Variants in DPH6 observed in about 807,000 individuals in gnomAD.
DPH6 encodes the protein diphthine--ammonia ligase.
In DPH6, 33 loss-of-function variants were observed where a neutral mutation model predicts 38.2. The observed-to-expected ratio is 0.86, with a 90% CI of 0.65 to 1.15. DPH6 has a LOEUF of 1.15. Among genes scored for constraint, DPH6 ranks in the 50% most tolerant of loss-of-function variants. The pLI is 0.00. For synonymous variants in DPH6, 108 were observed against 103.0 expected (o/e 1.05, Z -0.30); for missense variants, 325 against 320.0 (o/e 1.02, Z -0.12).
intron 1 of DPH6, among the ~76,000 whole-genome samples, chr15:35,543,674 T>G (rs2141576300): frequency 6.6e-6 from 1 of 152,192 alleles, no homozygotes; most frequent in Admixed American, 6.5e-5. Context: ...TTTCTGCCTC[T>G]TCCACCCTCC....
chr15:35,240,465 A>C (rs1331807690), intron 3 of DPH6, among the ~76,000 whole-genome samples: 1 of 141,594 alleles, frequency 7.1e-6, no homozygotes, highest in Non-Finnish European at 1.5e-5. Flanking sequence ...TTGCCAGCCC[A>C]AGCTAGGTCC....
intron 5 of DPH6, 60 bp from the exon 6 acceptor site, chr15:35,410,956 T>G (rs1259899131): frequency 7.4e-6 from 11 of 1,477,440 alleles, no homozygotes; most frequent in Non-Finnish European, 1.0e-5. Flanking sequence ...TAAAGACACA[T>G]TCCCCTTCCC....
intron 3 of DPH6, chr15:35,489,592 C>T: frequency 3.1e-6 from 3 of 982,554 alleles, no homozygotes; most frequent in Non-Finnish European, 3.6e-6. Flanking sequence ...ATAAAAAATA[C>T]CTACCCAAGA....
chr15:35,453,788 TAAATA>T, intron 4 of DPH6, among the ~76,000 whole-genome samples: 1 of 74,022 alleles, frequency 1.4e-5, no homozygotes. Context: ...AGAGAGAAAA[TAAATA>T]AAATAAAAAT....
chr15:35,366,994 T>C (rs561153229), downstream of DPH6, among the ~76,000 whole-genome samples: 144 of 151,996 alleles, frequency 9.5e-4, 1 homozygote, highest in Middle Eastern at 0.01. Flanking sequence ...CTAAACATTA[T>C]AAAGTTTTTC....
intron 7 of DPH6, among the ~76,000 whole-genome samples, chr15:35,378,289 G>A (rs143500214): frequency 0.011 from 1,599 of 152,194 alleles, 26 homozygotes; most frequent in African/African-American, 0.037. Flanking sequence ...ACCATCTCAC[G>A]CCAGTTAGAC....
rs549476192 is a variant in DPH6, at chr15:35,487,287, C to A, written c.313-32467G>T. On this transcript the variant is annotated intron_variant, in intron 3 of 8. Coordinates refer to ENST00000256538, the MANE Select transcript of DPH6 (RefSeq NM_080650.4). ...TGGGAACTCTGGGTGGGGGTTTCAA[C>A]CCCACATTTCCCCTCTGCATTGCCC... Among the ~76,000 whole-genome samples the A allele has an allele frequency of 3.3e-5, 5 of 152,350 alleles. No homozygotes were observed. In the East Asian group the frequency reaches 9.7e-4, roughly 29 times the overall value.
At chr15:35,378,440 C>T (rs1400604526) in intron 7 of DPH6, among the ~76,000 whole-genome samples, 4 of 152,126 alleles carry the variant, frequency 2.6e-5, no homozygotes, top group Non-Finnish European at 5.9e-5. Flanking sequence ...GGATCTAGAC[C>T]TAGAAATACC....
intron 3 of DPH6, among the ~76,000 whole-genome samples, chr15:35,285,025 G>T (rs1359436595): frequency 6.6e-6 from 1 of 151,720 alleles, no homozygotes; most frequent in African/African-American, 2.4e-5. Flanking sequence ...ACGCAGGGTG[G>T]TCTCCAACTT....
At chr15:35,411,978 C>T (rs951923272) in intron 5 of DPH6, among the ~76,000 whole-genome samples, 11 of 151,544 alleles carry the variant, frequency 7.3e-5, no homozygotes, top group African/African-American at 2.2e-4. Context: ...ACCAAAAGCA[C>T]GATCCATTAA....
At chr15:35,475,777 A>T (rs906538722) in intron 3 of DPH6, among the ~76,000 whole-genome samples, 2 of 151,830 alleles carry the variant, frequency 1.3e-5, no homozygotes, top group Non-Finnish European at 2.9e-5. Flanking sequence ...AAAAAAAAGC[A>T]GTCAAGCAAA....
intron 3 of DPH6, chr15:35,520,764 A>C: frequency 1.0e-6 from 1 of 984,942 alleles, no homozygotes; most frequent in Non-Finnish European, 1.2e-6. Context: ...TACAATGAAA[A>C]AAAAATCCTC....
chr15:35,227,247 G>C (rs28876469), intron 3 of DPH6, among the ~76,000 whole-genome samples: 12 of 138,416 alleles, frequency 8.7e-5, no homozygotes, highest in African/African-American at 2.7e-4. Flanking sequence ...GCAGAGGCGC[G>C]ATCTCGGCTC....
chr15:35,441,721 G>C (rs1413534258), intron 5 of DPH6, among the ~76,000 whole-genome samples: 1 of 152,086 alleles, frequency 6.6e-6, no homozygotes, highest in Non-Finnish European at 1.5e-5. Flanking sequence ...ATGATGGGTT[G>C]ATGGGTGCAG....
At chr15:35,299,620 C>G (rs1420089322) in intron 3 of DPH6, among the ~76,000 whole-genome samples, 1 of 152,180 alleles carries the variant, frequency 6.6e-6, no homozygotes. Flanking sequence ...CCATCTCTAA[C>G]ATGTTCTTTC....
intron 3 of DPH6, chr15:35,299,461 G>A: frequency 1.3e-6 from 1 of 770,790 alleles, no homozygotes; most frequent in Admixed American, 1.7e-5. Flanking sequence ...GTTTAATGCC[G>A]GCCCGCCCGC....
chr15:35,280,622 G>A (rs1164155402), intron 3 of DPH6, among the ~76,000 whole-genome samples: 3 of 152,168 alleles, frequency 2.0e-5, no homozygotes, highest in Admixed American at 1.3e-4. Context: ...CATAGCTACA[G>A]AGAACTATTT....
At chr15:35,185,859 A>T in the DPH6 span, among the ~76,000 whole-genome samples, 3 of 151,122 alleles carry the variant, frequency 2.0e-5, no homozygotes, top group African/African-American at 7.3e-5. Context: ...CAGCCTCCCA[A>T]GTAGCTGGGA....
chr15:35,509,202 G>A (rs2054734934), intron 3 of DPH6, among the ~76,000 whole-genome samples: 1 of 152,168 alleles, frequency 6.6e-6, no homozygotes, highest in African/African-American at 2.4e-5. Flanking sequence ...TTAAGAATGA[G>A]TCCTCTATTT....
Sources: allele counts gnomAD v4.1 joint callset (sites outside exome capture counted in the v4.1 genomes callset), GRCh38; gene constraint gnomAD v4.1.1; transcripts MANE v1.5; gene names NCBI Gene and HGNC (gene_info 2026-07-23, HGNC 2026-07-21).